Variants in SNX29 observed in about 807,000 individuals in gnomAD.
The protein encoded by SNX29 is sorting nexin 29.
SNX29 carries 78 observed loss-of-function variants against 102.1 expected under a neutral mutation model. The observed-to-expected ratio is 0.76, with a 90% CI of 0.64 to 0.92. The LOEUF is 0.92. SNX29 is among the 40% of genes least tolerant of loss of function. The pLI, the probability that SNX29 is intolerant of heterozygous loss-of-function variation, is 0.00. For synonymous variants in SNX29, 580 were observed against 414.5 expected, an observed-to-expected ratio of 1.40 and a Z score of -4.85; for missense variants, 1,280 against 1,061.7, an observed-to-expected ratio of 1.21 and a Z score of -2.86.
chr16:12,561,071 T>C (rs2078699295), intron 20 of SNX29: 2 of 224,700 alleles, frequency 8.9e-6, no homozygotes, highest in Admixed American at 1.1e-4. Flanking sequence ...AAGGCCTTGA[T>C]GGATGTCAGC....
rs553146741 is a variant in SNX29, at chr16:12,325,425, C to T, written c.1783-30738C>T. Among the ~76,000 whole-genome samples the T allele has an allele frequency of 1.1e-4, 17 of 152,184 alleles. No homozygotes were observed. The East Asian group carries it at 1.7e-3, about 16-fold the overall frequency. ...CTTATTTGAAGGTTAATTGTGATTC[C>T]GACTGTTAGGGAAAACCTAATTAAC... On this transcript the variant is annotated intron_variant, in intron 15 of 20. Transcript: ENST00000566228.
At chr16:12,541,505 T>C (rs1204111478) in intron 20 of SNX29, among the ~76,000 whole-genome samples, 3 of 152,032 alleles carry the variant, frequency 2.0e-5, no homozygotes, top group Non-Finnish European at 2.9e-5. Context: ...GTGATCTGAG[T>C]CCCAAGTCAT....
At chr16:12,095,097 C>T (rs1313564802) in intron 11 of SNX29, 1 of 152,138 alleles carries the variant, frequency 6.6e-6, no homozygotes, top group African/African-American at 2.4e-5. Flanking sequence ...ACTAAGTGAT[C>T]CTGACTCCGT....
chr16:12,487,995 GA>G (rs987074894), intron 19 of SNX29, among the ~76,000 whole-genome samples: 158 of 151,808 alleles, frequency 1.0e-3, no homozygotes, highest in Non-Finnish European at 2.0e-3. Context: ...CATCTTGCCA[GA>G]AAAAAAACAT....
intron 11 of SNX29, among the ~76,000 whole-genome samples, chr16:12,099,515 G>T (rs1362875160): frequency 1.3e-5 from 2 of 152,200 alleles, no homozygotes; most frequent in Non-Finnish European, 2.9e-5. Context: ...GAGGCTCCAG[G>T]GACAGGAGCA....
chr16:12,435,039 C>T (rs547028842), intron 18 of SNX29, among the ~76,000 whole-genome samples: 1 of 151,994 alleles, frequency 6.6e-6, no homozygotes, highest in Non-Finnish European at 1.5e-5. Flanking sequence ...GGTCATATAC[C>T]AGGAGCTTGA....
intron 20 of SNX29, among the ~76,000 whole-genome samples, chr16:12,554,972 G>GGGGGGGGGT (rs1457202578): frequency 1.3e-5 from 2 of 151,018 alleles, no homozygotes; most frequent in African/African-American, 4.9e-5. Flanking sequence ...TGGTGAGGGG[G>GGGGGGGGGT]GTCAGTCAGC....
intron 16 of SNX29, among the ~76,000 whole-genome samples, chr16:12,376,540 A>C (rs2082879300): frequency 6.6e-6 from 1 of 152,044 alleles, no homozygotes; most frequent in Non-Finnish European, 1.5e-5. Context: ...GTTTGAGACT[A>C]GTCTGGCCAA....
chr16:12,534,915 G>A (rs1201725838), intron 20 of SNX29, among the ~76,000 whole-genome samples: 1 of 152,204 alleles, frequency 6.6e-6, no homozygotes, highest in Non-Finnish European at 1.5e-5. Flanking sequence ...GATGTACTGA[G>A]CATCCTACAC....
chr16:12,158,870 C>T (rs1038683747), intron 13 of SNX29, among the ~76,000 whole-genome samples: 2 of 152,188 alleles, frequency 1.3e-5, no homozygotes, highest in East Asian at 3.9e-4. Flanking sequence ...TGACTTCTGT[C>T]CCACTTTCTC....
At chr16:12,119,207 C>T (rs539890276) in intron 11 of SNX29, among the ~76,000 whole-genome samples, 1 of 152,322 alleles carries the variant, frequency 6.6e-6, no homozygotes, top group East Asian at 1.9e-4. Context: ...GCAGGGACTG[C>T]TCCTTAGCCG....
chr16:12,107,734 G>A (rs986628423), intron 11 of SNX29, among the ~76,000 whole-genome samples: 1 of 152,144 alleles, frequency 6.6e-6, no homozygotes, highest in African/African-American at 2.4e-5. Context: ...TGGATGTGAT[G>A]ACTGCCTGCC....
At chr16:12,446,974 G>A (rs1028081856) in intron 18 of SNX29, among the ~76,000 whole-genome samples, 4 of 151,722 alleles carry the variant, frequency 2.6e-5, no homozygotes, top group Non-Finnish European at 4.4e-5. Context: ...AGACCAGCCT[G>A]ACCAACATGG....
intron 13 of SNX29, among the ~76,000 whole-genome samples, chr16:12,150,771 T>G (rs1056898192): frequency 8.5e-5 from 13 of 152,220 alleles, no homozygotes; most frequent in Non-Finnish European, 1.8e-4. Flanking sequence ...AGCCTGTGGT[T>G]TGGGTTCATT....
intron 14 of SNX29, among the ~76,000 whole-genome samples, chr16:12,259,930 C>T (rs749078786): frequency 3.9e-5 from 6 of 152,012 alleles, no homozygotes; most frequent in Non-Finnish European, 7.4e-5. Flanking sequence ...CCCTAATCCC[C>T]CGCTGCCTCT....
At chr16:12,265,110 C>T (rs1402224609) in intron 14 of SNX29, among the ~76,000 whole-genome samples, 1 of 152,178 alleles carries the variant, frequency 6.6e-6, no homozygotes, top group Admixed American at 6.6e-5. Flanking sequence ...CTGACACTTC[C>T]TTTTTTGGGT....
At chr16:12,185,015 A>T (rs143874046) in intron 13 of SNX29, among the ~76,000 whole-genome samples, 2 of 152,378 alleles carry the variant, frequency 1.3e-5, no homozygotes, top group African/African-American at 4.8e-5. Flanking sequence ...ATGCTGAACC[A>T]TCAGCTGTCA....
intron 14 of SNX29, among the ~76,000 whole-genome samples, chr16:12,225,272 A>T (rs1416402248): frequency 6.6e-6 from 1 of 152,132 alleles, no homozygotes; most frequent in Non-Finnish European, 1.5e-5. Flanking sequence ...TAAACTTTGT[A>T]GTAGGCATCT....
At chr16:12,040,953 A>T (rs2049856272) in intron 4 of SNX29, among the ~76,000 whole-genome samples, 3 of 152,128 alleles carry the variant, frequency 2.0e-5, no homozygotes, top group Non-Finnish European at 2.9e-5. Flanking sequence ...AGCTGGGACT[A>T]CAGGCGTGCG....
Sources: gnomAD v4.1 joint callset for allele counts (sites outside exome capture counted in the v4.1 genomes callset) on GRCh38, gnomAD v4.1.1 for gene constraint, MANE v1.5 for transcripts, NCBI Gene and HGNC (gene_info 2026-07-23, HGNC 2026-07-21) for gene names.